The following WWC1 variants were observed in gnomAD, a reference collection of about 807,000 sequenced individuals.
WWC1 encodes the protein protein KIBRA.
WWC1 carries 55 observed loss-of-function variants against 138.4 expected under a neutral mutation model. The ratio of observed to expected loss-of-function variants is 0.40; its 90% CI spans 0.32 to 0.50. The LOEUF is 0.50. Ranked by LOEUF, WWC1 falls within the 20% of genes least tolerant of loss-of-function variation. The pLI is 0.72. For synonymous variants in WWC1, 524 were observed against 564.9 expected (o/e 0.93, Z 1.03); for missense variants, 1,226 against 1,420.4 (o/e 0.86, Z 2.20).
rs913922859 is a variant in WWC1, at chr5:168,308,584, C to T, written c.119+16313C>T. On this transcript the variant is annotated intron_variant, in intron 1 of 22. Coordinates refer to ENST00000265293, the MANE Select transcript of WWC1 (RefSeq NM_015238.3). ...CTCTCAAGGCAGTGTCATCTGTTGG[C>T]CACGTGCATCTGAACTTCTAAAGAG... Among the ~76,000 whole-genome samples the T allele has an allele frequency of 5.9e-5, 9 of 152,222 alleles. No individual in the cohort carries two copies. The South Asian group carries it at 1.5e-3, about 25-fold the overall frequency.
chr5:168,311,874 C>CT (rs1176209051), intron 1 of WWC1, among the ~76,000 whole-genome samples: 1 of 144,688 alleles, frequency 6.9e-6, no homozygotes, highest in Non-Finnish European at 1.5e-5. Flanking sequence ...AAGACTCAGT[C>CT]TAAAAAAAAA....
chr5:168,455,251 G>C, intron 18 of WWC1, 105 bp from the exon 19 acceptor site: 1 of 1,368,868 alleles, frequency 7.3e-7, no homozygotes. Context: ...GTGTCTGTGG[G>C]AAAAGGTGAG....
rs899328317 is a variant in WWC1, at chr5:168,310,316, G to A, written c.119+18045G>A. On this transcript the variant is annotated intron_variant, in intron 1 of 22. Coordinates refer to ENST00000265293, the MANE Select transcript of WWC1 (RefSeq NM_015238.3). Reference sequence around the variant, plus strand: ...TACCCAGATTTACCAGTTTTTTTGCGTTGACCATTTACCTTATATTCTCTT... The same window carrying A: ...TACCCAGATTTACCAGTTTTTTTGCATTGACCATTTACCTTATATTCTCTT... 1.8e-4 allele frequency among the ~76,000 whole-genome samples: 27 copies of A among 151,158 alleles called. No individual in the cohort carries two copies. In the East Asian group the frequency reaches 4.9e-3, roughly 27 times the overall value.
chr5:168,438,311 G>A (rs556711689), intron 15 of WWC1, among the ~76,000 whole-genome samples: 70 of 152,218 alleles, frequency 4.6e-4, no homozygotes, highest in Admixed American at 1.5e-3. Context: ...CATGGGGGCT[G>A]TTACCCCCAT....
At chr5:168,307,491 T>A (rs995588385) in intron 1 of WWC1, among the ~76,000 whole-genome samples, 1 of 152,060 alleles carries the variant, frequency 6.6e-6, no homozygotes, top group Admixed American at 6.6e-5. Flanking sequence ...ACAAGGTGAG[T>A]GAGCTCTTTT....
In WWC1 at chr5:168,460,638, T is replaced by C; in HGVS notation, c.2824-12T>C. 6.2e-7 allele frequency: 1 copy of C among 1,613,634 alleles called. No homozygotes were observed. The highest frequency in any genetic ancestry group is 8.5e-7 in the Non-Finnish European group (1 of 1,179,656). ...TGACCATGTTTAAGATTCCATGACT[T>C]TTCTCTTGCAGCTGAATCGGAGTGA... is the stretch of plus-strand genomic sequence containing the variant. On this transcript the variant is annotated splice_polypyrimidine_tract_variant and intron_variant, in intron 19 of 22. Coordinates refer to ENST00000265293, the MANE Select transcript of WWC1 (RefSeq NM_015238.3).
chr5:168,314,895 C>T (rs1181716632), intron 1 of WWC1, among the ~76,000 whole-genome samples: 1 of 152,194 alleles, frequency 6.6e-6, no homozygotes, highest in African/African-American at 2.4e-5. Flanking sequence ...ACACTGCCCT[C>T]GCCAGGCCCT....
At chr5:168,294,256 A>G (rs961892951) in intron 1 of WWC1, among the ~76,000 whole-genome samples, 1 of 152,142 alleles carries the variant, frequency 6.6e-6, no homozygotes, top group African/African-American at 2.4e-5. Flanking sequence ...TTAGTGTTAC[A>G]TGGACCACCT....
rs182899048 is a variant in WWC1, at chr5:168,417,149, G to A, written c.1184+2559G>A. ...TCCAAAGTGCTGAGATTACAGGCAT[G>A]ACCCACTGCACCCAGCTCTATCAAC... On this transcript the variant is annotated intron_variant, in intron 9 of 22. Coordinates refer to ENST00000265293, the MANE Select transcript of WWC1 (RefSeq NM_015238.3). Among the ~76,000 whole-genome samples the A allele has an allele frequency of 9.2e-5, 14 of 151,718 alleles. No individual in the cohort carries two copies. In the East Asian group the frequency reaches 2.0e-3, roughly 21 times the overall value.
chr5:168,346,871 G>A (rs961627431), intron 1 of WWC1, among the ~76,000 whole-genome samples: 1 of 151,998 alleles, frequency 6.6e-6, no homozygotes. Flanking sequence ...ACTGTGTTTC[G>A]ACCTGTTTCC....
At chr5:168,296,019 T>C (rs1769508270) in intron 1 of WWC1, among the ~76,000 whole-genome samples, 1 of 152,248 alleles carries the variant, frequency 6.6e-6, no homozygotes, top group Non-Finnish European at 1.5e-5. Context: ...GGATCAGGTC[T>C]GAACAGCACC....
At chr5:168,305,245 G>T (rs1770449603) in intron 1 of WWC1, among the ~76,000 whole-genome samples, 1 of 151,944 alleles carries the variant, frequency 6.6e-6, no homozygotes, top group Non-Finnish European at 1.5e-5. Context: ...TGGGATTACA[G>T]GCATGAGCCA....
chr5:168,321,144 A>G (rs1425858328), intron 1 of WWC1, among the ~76,000 whole-genome samples: 1 of 152,144 alleles, frequency 6.6e-6, no homozygotes, highest in East Asian at 1.9e-4. Context: ...TTGGTAGGAC[A>G]TCCCCCTCAT....
chr5:168,323,712 A>G (rs1368281864), intron 1 of WWC1, among the ~76,000 whole-genome samples: 2 of 152,202 alleles, frequency 1.3e-5, no homozygotes, highest in African/African-American at 2.4e-5. Context: ...AAGAAAATGT[A>G]TTTGAAGACA....
intron 1 of WWC1, among the ~76,000 whole-genome samples, chr5:168,352,513 G>T (rs1409701145): frequency 6.6e-6 from 1 of 151,952 alleles, no homozygotes; most frequent in African/African-American, 2.4e-5. Context: ...CCTTCCAGCT[G>T]CAGGACCTAA....
intron 1 of WWC1, among the ~76,000 whole-genome samples, chr5:168,354,131 A>G (rs1027686223): frequency 4.0e-4 from 60 of 151,568 alleles, no homozygotes; most frequent in Non-Finnish European, 1.0e-4. Flanking sequence ...TCTCACTGCA[A>G]TCTCTGCCTC....
intron 4 of WWC1, 73 bp from the exon 5 acceptor site, chr5:168,399,415 T>G: frequency 6.5e-7 from 1 of 1,547,328 alleles, no homozygotes; most frequent in Non-Finnish European, 8.9e-7. Context: ...GGGTTCCCTT[T>G]CCAGGGAGAA....
At chr5:168,342,480 T>A (rs1476925922) in intron 1 of WWC1, among the ~76,000 whole-genome samples, 1 of 152,150 alleles carries the variant, frequency 6.6e-6, no homozygotes, top group African/African-American at 2.4e-5. Context: ...GTGATACATG[T>A]ATAGAAGTTT....
At chr5:168,358,397 A>G (rs1176678884) in intron 1 of WWC1, among the ~76,000 whole-genome samples, 1 of 152,222 alleles carries the variant, frequency 6.6e-6, no homozygotes, top group Non-Finnish European at 1.5e-5. Flanking sequence ...GCGTGACCCC[A>G]AACACATCCT....
Sources: allele counts gnomAD v4.1 joint callset (sites outside exome capture counted in the v4.1 genomes callset), GRCh38; gene constraint gnomAD v4.1.1; transcripts MANE v1.5; gene names NCBI Gene and HGNC (gene_info 2026-07-23, HGNC 2026-07-21).